Variants in EGFL6 observed in about 807,000 individuals in gnomAD.
EGFL6 encodes epidermal growth factor-like protein 6.
In EGFL6, 42 loss-of-function variants were observed where a neutral mutation model predicts 43.1. The observed-to-expected ratio is 0.98, with a 90% CI of 0.76 to 1.26. The LOEUF is 1.26. Among genes scored for constraint, EGFL6 ranks in the 50% most tolerant of loss-of-function variants. EGFL6 has a pLI of 0.00. For missense variants in EGFL6, 429 were observed against 427.8 expected, an observed-to-expected ratio of 1.00 and a Z score of -0.02; for synonymous variants, 164 against 163.2, an observed-to-expected ratio of 1.01 and a Z score of -0.04.
chrX:13,595,883 C>A (rs1396087345), intron 3 of EGFL6, among the ~76,000 whole-genome samples: 1 of 110,222 alleles, frequency 9.1e-6, no homozygotes, highest in East Asian at 2.8e-4. Flanking sequence ...CCATGCCTGG[C>A]TACTTTTTAC....
chrX:13,570,251 T>C (rs1476810025), intron 1 of EGFL6, among the ~76,000 whole-genome samples: 1 of 110,698 alleles, frequency 9.0e-6, no homozygotes, highest in East Asian at 2.9e-4. Flanking sequence ...CTTGATGGTC[T>C]GCAGACCTGC....
chrX:13,581,884 A>G (rs944018411), intron 1 of EGFL6, among the ~76,000 whole-genome samples: 5 of 111,276 alleles, frequency 4.5e-5, no homozygotes, highest in African/African-American at 1.6e-4. Flanking sequence ...GTTCACCTAC[A>G]TTAGCATTTC....
In EGFL6 at chrX:13,600,745, A is replaced by G. The variant is rs6633093; in HGVS notation, c.400+651A>G. Among the ~76,000 whole-genome samples, 560 of 106,093 alleles carry G rather than the reference A, an allele frequency of 5.3e-3. 18 individuals carry two copies. Among genetic ancestry groups the G allele is most frequent in the East Asian group, 0.039 (129 of 3,278 alleles). 92.1% of individuals were successfully genotyped at this position (106,093 alleles called of 115,157 possible). A position where few individuals can be genotyped will look rare whatever the true frequency, so the allele number is the denominator to read the frequency against. On this transcript the variant is annotated intron_variant, in intron 4 of 11. Coordinates refer to ENST00000361306, the MANE Select transcript of EGFL6 (RefSeq NM_015507.4). ...AAACCCTGTCTCTACTAAAAAAAAA[A>G]AAAAAAAATACAAAAATTAGCTGGG...
chrX:13,581,237 C>T (rs1602637732), intron 1 of EGFL6, among the ~76,000 whole-genome samples: 1 of 112,185 alleles, frequency 8.9e-6, no homozygotes, highest in South Asian at 3.7e-4. Context: ...GACACATCAA[C>T]ACACACTAGT....
chrX:13,615,560 A>G (rs1387476184), intron 7 of EGFL6, among the ~76,000 whole-genome samples: 1 of 112,079 alleles, frequency 8.9e-6, no homozygotes, highest in East Asian at 2.8e-4. Flanking sequence ...TTAACATGCA[A>G]TCTCTGGCAA....
intron 1 of EGFL6, among the ~76,000 whole-genome samples, chrX:13,580,077 C>T (rs1431940956): frequency 9.0e-6 from 1 of 111,445 alleles, no homozygotes; most frequent in Non-Finnish European, 1.9e-5. Context: ...TTAAACTTCA[C>T]CTTTTGAAAG....
intron 4 of EGFL6, among the ~76,000 whole-genome samples, chrX:13,602,538 A>G (rs1364783374): frequency 1.8e-5 from 2 of 112,055 alleles, no homozygotes; most frequent in East Asian, 2.8e-4. Flanking sequence ...CATAGTTACA[A>G]TATGGCTGCC....
chrX:13,577,867 T>C (rs2045482578), intron 1 of EGFL6, among the ~76,000 whole-genome samples: 1 of 111,822 alleles, frequency 8.9e-6, no homozygotes, highest in Non-Finnish European at 1.9e-5. Context: ...CTGACAACAA[T>C]AGCGAGCAAA....
rs371760324 is a variant in EGFL6, at chrX:13,612,323, T to G, written c.778+3877T>G. The stretch of plus-strand genomic sequence containing the variant: ...CACCGCCCTTAATCCATTTAACCCT[T>G]AGTGGACACAGCACATGTTTCAGAG... On this transcript the variant is annotated intron_variant, in intron 7 of 11. Transcript: ENST00000361306. Among the ~76,000 whole-genome samples the G allele has an allele frequency of 2.9e-3, 306 of 105,576 alleles. 1 individual carries two copies. Among genetic ancestry groups the G allele is most frequent in the African/African-American group, 9.9e-3 (287 of 28,856 alleles). The allele number at this position is 105,576 out of a possible 115,157, so 91.7% of individuals were successfully genotyped here. A position where few individuals can be genotyped will look rare whatever the true frequency, so the allele number is the denominator to read the frequency against.
intron 10 of EGFL6, 148 bp downstream of exon 10, chrX:13,624,073 A>G (rs1237026464): frequency 4.7e-6 from 2 of 426,861 alleles, no homozygotes; most frequent in Non-Finnish European, 8.0e-6. Flanking sequence ...CTCTCCCTTG[A>G]TAGATGACTA....
intron 9 of EGFL6, among the ~76,000 whole-genome samples, chrX:13,623,391 T>C (rs1187295703): frequency 1.3e-5 from 1 of 76,976 alleles, no homozygotes; most frequent in Non-Finnish European, 2.5e-5. Flanking sequence ...TTTTTTTTTT[T>C]TTTTTTGAGA....
At position 13,608,334 on chromosome X, in the gene EGFL6, A is replaced by G. The variant is rs765078838; in HGVS notation, c.666A>G (p.Glu222=). The G allele has an allele frequency of 8.3e-7, 1 of 1,211,229 alleles. No homozygotes were observed. Among genetic ancestry groups the G allele is most frequent in the South Asian group, 1.8e-5 (1 of 56,853 alleles). The part of the protein sequence containing the change: ...SGRYDCIDIN[E]CTMDSHTCSH... The stretch of plus-strand genomic sequence containing the variant: ...AATGTTCTTTTTTAGATATAAATGA[A>G]TGTACTATGGATAGCCATACGTGCA... Residue 222 remains glutamate (E), a synonymous_variant, in exon 7 of 12, where the codon GAA becomes GAG. Coordinates refer to ENST00000361306, the MANE Select transcript of EGFL6 (RefSeq NM_015507.4).
intron 3 of EGFL6, among the ~76,000 whole-genome samples, chrX:13,596,704 T>C (rs1010777677): frequency 9.0e-6 from 1 of 111,422 alleles, no homozygotes; most frequent in African/African-American, 3.3e-5. Context: ...ATCTTGTATT[T>C]TTATTTGCCA....
intron 7 of EGFL6, among the ~76,000 whole-genome samples, chrX:13,612,254 C>T (rs936116594): frequency 6.7e-4 from 72 of 107,600 alleles, no homozygotes; most frequent in African/African-American, 2.3e-3. Flanking sequence ...TGACTCTTAA[C>T]GAGCATGCTG....
intron 1 of EGFL6, among the ~76,000 whole-genome samples, chrX:13,583,471 T>C (rs145031114): frequency 1.2e-3 from 133 of 111,849 alleles, no homozygotes; most frequent in African/African-American, 4.0e-3. Context: ...ATACCTCCTG[T>C]AGTCTCAGTG....
At chrX:13,620,046 G>A (rs1046423608) in intron 9 of EGFL6, among the ~76,000 whole-genome samples, 4 of 112,240 alleles carry the variant, frequency 3.6e-5, no homozygotes, top group South Asian at 3.7e-4. Flanking sequence ...CAAGGCCAGC[G>A]TAGACTTCAA....
chrX:13,580,711 A>T (rs975391713), intron 1 of EGFL6, among the ~76,000 whole-genome samples: 1 of 111,885 alleles, frequency 8.9e-6, no homozygotes, highest in South Asian at 3.7e-4. Context: ...CCTCTAGTCC[A>T]TGCTCCAAAG....
At position 13,632,782 on chromosome X, in the gene EGFL6, G is replaced by A. The variant is rs757034431; in HGVS notation, c.1552-203G>A. Among the ~76,000 whole-genome samples the A allele has an allele frequency of 8.1e-5, 9 of 111,032 alleles. No homozygotes were observed. The South Asian group carries it at 3.4e-3, about 42-fold the overall frequency. ...ATGGCGTTTTTCAGAATCTATGTGGGCTTTGCTATGACCTTGTTTTCACCA... is the reference window on the plus strand; with the variant it reads ...ATGGCGTTTTTCAGAATCTATGTGGACTTTGCTATGACCTTGTTTTCACCA... On this transcript the variant is annotated intron_variant, in intron 11 of 11. Coordinates refer to ENST00000361306, the MANE Select transcript of EGFL6 (RefSeq NM_015507.4).
intron 11 of EGFL6, among the ~76,000 whole-genome samples, chrX:13,631,034 G>A (rs1393770329): frequency 1.8e-5 from 2 of 112,584 alleles, no homozygotes; most frequent in Non-Finnish European, 3.8e-5. Flanking sequence ...AGTAACATGA[G>A]TGCTTTTATA....
Sources: gnomAD v4.1 joint callset for allele counts (sites outside exome capture counted in the v4.1 genomes callset) on GRCh38, gnomAD v4.1.1 for gene constraint, MANE v1.5 for transcripts, NCBI Gene and HGNC (gene_info 2026-07-23, HGNC 2026-07-21) for gene names.